OTOGL: variants seen among roughly 807,000 people sequenced by gnomAD.
OTOGL encodes the protein otogelin-like protein.
A neutral mutation model predicts 318.5 loss-of-function variants in OTOGL; 285 were observed. The observed-to-expected ratio is 0.89, with a 90% CI of 0.81 to 0.99. OTOGL has a LOEUF of 0.99. Ranked by LOEUF, OTOGL falls within the 50% of genes least tolerant of loss-of-function variation. The pLI is 0.00. For missense variants in OTOGL, 2,899 were observed against 2,845.6 expected, an observed-to-expected ratio of 1.02 and a Z score of -0.43; for synonymous variants, 987 against 936.5, an observed-to-expected ratio of 1.05 and a Z score of -0.99.
chr12:80,114,715 A>G (rs910596449), intron 1 of OTOGL, among the ~76,000 whole-genome samples: 12 of 151,996 alleles, frequency 7.9e-5, no homozygotes, highest in Non-Finnish European at 1.5e-4. Context: ...TGTTTTTTCA[A>G]CTTGGTTCCA....
intron 1 of OTOGL, among the ~76,000 whole-genome samples, chr12:80,164,283 A>G (rs1269975272): frequency 2.6e-5 from 4 of 152,164 alleles, no homozygotes; most frequent in Non-Finnish European, 5.9e-5. Flanking sequence ...GGGTATACAT[A>G]CCTAAAAAAC....
At chr12:80,323,126 AC>A (rs1887448539) in intron 34 of OTOGL, among the ~76,000 whole-genome samples, 1 of 127,630 alleles carries the variant, frequency 7.8e-6, no homozygotes. Flanking sequence ...ACACACACAC[AC>A]ACACACACAC....
intron 44 of OTOGL, among the ~76,000 whole-genome samples, chr12:80,345,700 C>T (rs560935904): frequency 1.3e-4 from 19 of 151,080 alleles, no homozygotes; most frequent in South Asian, 4.2e-4. Flanking sequence ...TCAAGAGTGA[C>T]GAATTAAAAA....
At chr12:80,287,745 G>A (rs1375874528) in intron 26 of OTOGL, among the ~76,000 whole-genome samples, 1 of 151,398 alleles carries the variant, frequency 6.6e-6, no homozygotes, top group African/African-American at 2.4e-5. Flanking sequence ...CTTTCCATTT[G>A]CTTGATAAAT....
intron 1 of OTOGL, among the ~76,000 whole-genome samples, chr12:80,154,537 C>G (rs1339983028): frequency 6.6e-6 from 1 of 152,102 alleles, no homozygotes; most frequent in Admixed American, 6.5e-5. Flanking sequence ...CCTCTTTGAA[C>G]TCCCCAAACT....
rs761342387 is a variant in OTOGL at position 80,323,774 on chromosome 12, C to G, written c.4133C>G (p.Pro1378Arg). Reference protein sequence around the residue: ...YRKMCEWRYEPCATPCFKTCS... With the variant: ...YRKMCEWRYERCATPCFKTCS... The stretch of plus-strand genomic sequence containing the variant: ...AAGATGTGTGAATGGAGATATGAAC[C>G]TTGTGCTACACCCTGTTTTAAAACA... Residue 1378 changes from proline (P) to arginine (R), a missense_variant, in exon 35 of 59, where the codon CCT becomes CGT. By Grantham distance (103) the Pro-to-Arg change is moderately radical (BLOSUM62 -2). Coordinates refer to ENST00000547103, the MANE Select transcript of OTOGL (RefSeq NM_001378609.3). The G allele has an allele frequency of 3.1e-6, 5 of 1,613,930 alleles. No individual in the cohort carries two copies. The South Asian group carries it at 5.5e-5, about 18-fold the overall frequency.
At chr12:80,297,801 G>A (rs1243520083) in intron 27 of OTOGL, among the ~76,000 whole-genome samples, 1 of 152,184 alleles carries the variant, frequency 6.6e-6, no homozygotes, top group African/African-American at 2.4e-5. Context: ...AGAAGGTGGA[G>A]CATCTTATTA....
chr12:80,367,537 AT>A lies in OTOGL; in HGVS notation c.6332-22del, dbSNP rs1890617584. On this transcript the variant is annotated intron_variant, in intron 53 of 58. Coordinates refer to ENST00000547103, the MANE Select transcript of OTOGL (RefSeq NM_001378609.3). ...ACAAAACTCAACAGTATATTTTCTT[AT>A]TGACTATGTTTTCTGTTCTTAGAAA... The A allele has an allele frequency of 2.1e-6, 3 of 1,441,434 alleles. No homozygotes were observed. The African/African-American group carries it at 4.4e-5, about 21-fold the overall frequency. 89.3% of individuals were successfully genotyped at this position (1,441,434 alleles called of 1,614,324 possible).
chr12:80,292,980 G>A (rs1444182489), intron 26 of OTOGL, among the ~76,000 whole-genome samples: 2 of 152,134 alleles, frequency 1.3e-5, no homozygotes, highest in Non-Finnish European at 2.9e-5. Flanking sequence ...TTAGAATTTG[G>A]AAAGGTTATC....
chr12:80,281,792 T>G (rs1884254435), intron 26 of OTOGL, among the ~76,000 whole-genome samples: 1 of 151,852 alleles, frequency 6.6e-6, no homozygotes, highest in African/African-American at 2.4e-5. Flanking sequence ...AAAATAATTG[T>G]GAAAGAAGTT....
At chr12:80,309,334 A>C (rs980996071) in intron 29 of OTOGL, among the ~76,000 whole-genome samples, 30 of 152,306 alleles carry the variant, frequency 2.0e-4, no homozygotes, top group African/African-American at 7.2e-4. Context: ...TGGTCCAAGA[A>C]AGGTTCCTGG....
At chr12:80,253,046 G>A (rs997135773) in intron 13 of OTOGL, among the ~76,000 whole-genome samples, 12 of 152,176 alleles carry the variant, frequency 7.9e-5, no homozygotes, top group Admixed American at 5.2e-4. Context: ...AAATGCAGTC[G>A]CATGGTCTTG....
rs201301099 is a variant in OTOGL, at chr12:80,355,220, CT to C, written c.5594-513del. ...TTTTACTTTTTTCTTTTCTTTCTTT[CT>C]TTCTTTTCTTTTTTTTTTTTTTTTT... is the stretch of plus-strand genomic sequence containing the variant. On this transcript the variant is annotated intron_variant, in intron 46 of 58. Coordinates refer to ENST00000547103, the MANE Select transcript of OTOGL (RefSeq NM_001378609.3). 8.0e-3 allele frequency among the ~76,000 whole-genome samples: 785 copies of C among 97,752 alleles called. 32 individuals are homozygous for C. The highest frequency in any genetic ancestry group is 0.07 in the East Asian group (218 of 3,098). 64.1% of individuals were successfully genotyped at this position (97,752 alleles called of 152,430 possible).
chr12:80,125,286 T>C (rs918488887), intron 1 of OTOGL, among the ~76,000 whole-genome samples: 1 of 152,238 alleles, frequency 6.6e-6, no homozygotes, highest in African/African-American at 2.4e-5. Context: ...TCTGCATCTA[T>C]TGAGATAATC....
chr12:80,354,119 T>C (rs1889729461), intron 46 of OTOGL, among the ~76,000 whole-genome samples: 1 of 152,198 alleles, frequency 6.6e-6, no homozygotes, highest in South Asian at 2.1e-4. Flanking sequence ...CATCAATAGA[T>C]AATGCCTTCT....
chr12:80,247,027 T>C (rs1472067740), intron 11 of OTOGL, among the ~76,000 whole-genome samples: 6 of 89,830 alleles, frequency 6.7e-5, no homozygotes, highest in Admixed American at 6.7e-4. Flanking sequence ...TATCATTTTT[T>C]ATTGTGTCTA....
intron 5 of OTOGL, among the ~76,000 whole-genome samples, chr12:80,219,312 A>C (rs1299513610): frequency 1.3e-5 from 2 of 152,154 alleles, no homozygotes; most frequent in Non-Finnish European, 2.9e-5. Context: ...GAGTTTCACC[A>C]CGTTGGCCAG....
intron 26 of OTOGL, among the ~76,000 whole-genome samples, chr12:80,289,102 T>C (rs1225419517): frequency 6.6e-6 from 1 of 152,226 alleles, no homozygotes; most frequent in Non-Finnish European, 1.5e-5. Context: ...GTCTTTTTTG[T>C]TGATGTTATC....
At chr12:80,133,647 C>T (rs1201010337) in intron 1 of OTOGL, 1 of 151,678 alleles carries the variant, frequency 6.6e-6, no homozygotes, top group African/African-American at 2.4e-5. Context: ...AGACAATGCA[C>T]AAATGTGTGA....
Sources: allele counts gnomAD v4.1 joint callset (sites outside exome capture counted in the v4.1 genomes callset), GRCh38; gene constraint gnomAD v4.1.1; transcripts MANE v1.5; gene names NCBI Gene and HGNC (gene_info 2026-07-23, HGNC 2026-07-21).